The following ORMDL2 variants were observed in gnomAD, a reference collection of about 807,000 sequenced individuals.
The protein encoded by ORMDL2 is ORMDL sphingolipid biosynthesis regulator 2.
Under a neutral mutation model 13.5 loss-of-function variants are expected in ORMDL2, and 11 were observed. The ratio of observed to expected loss-of-function variants is 0.82; its 90% CI spans 0.51 to 1.35. The LOEUF (loss-of-function observed/expected upper bound fraction) is 1.35, where lower values mean the gene tolerates loss of function less well. ORMDL2 is among the 40% of genes most tolerant of loss of function. The pLI, the probability that ORMDL2 is intolerant of heterozygous loss-of-function variation, is 0.00. For synonymous variants in ORMDL2, 73 were observed against 76.5 expected, an observed-to-expected ratio of 0.95 and a Z score of 0.24; for missense variants, 160 against 191.1, an observed-to-expected ratio of 0.84 and a Z score of 0.96.
intron 1 of ORMDL2, 118 bp downstream of exon 1, chr12:55,818,230 AC>A: frequency 3.8e-6 from 1 of 260,632 alleles, no homozygotes; most frequent in African/African-American, 2.6e-5. Flanking sequence ...CCCTGAAAAA[AC>A]CGATGAACAT....
chr12:55,819,814 T>C (rs772274016), intron 3 of ORMDL2, among the ~76,000 whole-genome samples: 3 of 152,128 alleles, frequency 2.0e-5, no homozygotes, highest in African/African-American at 4.8e-5. Flanking sequence ...TCAAAAACAC[T>C]GTAGGGAGTG....
intron 3 of ORMDL2, 42 bp downstream of exon 3, chr12:55,819,535 GC>G: frequency 6.3e-7 from 1 of 1,583,348 alleles, no homozygotes; most frequent in East Asian, 2.2e-5. Context: ...GTTAGAAAGA[GC>G]TCCAAGAGCC....
rs14299 is a variant in ORMDL2, at chr12:55,820,665, T to G, written c.*270T>G. On this transcript the variant is annotated 3_prime_UTR_variant, in exon 4 of 4. Coordinates refer to ENST00000243045, the MANE Select transcript of ORMDL2 (RefSeq NM_014182.5). ...ATAGCAGGAAGCCATTTGGGCAGCT[T>G]CTTTGGTGATTACATCTTTCCATAT... is the stretch of plus-strand genomic sequence containing the variant. 4.4e-6 allele frequency: 2 copies of G among 456,314 alleles called. No individual in the cohort carries two copies. The highest frequency in any genetic ancestry group is 3.4e-5 in the Admixed American group (1 of 29,044). The allele number at this position is 456,314 out of a possible 1,614,324, so 28.3% of individuals were successfully genotyped here. A position where few individuals can be genotyped will look rare whatever the true frequency, so the allele number is the denominator to read the frequency against.
intron 3 of ORMDL2, 123 bp from the exon 4 acceptor site, chr12:55,820,137 C>T (rs1880626861): frequency 2.3e-6 from 2 of 870,532 alleles, no homozygotes; most frequent in Non-Finnish European, 1.8e-6. Flanking sequence ...CTGCACGTAT[C>T]ACACTTATGA....
In ORMDL2 at chr12:55,819,508, G is replaced by T; in HGVS notation, c.326+15G>T. On this transcript the variant is annotated intron_variant, in intron 3 of 3. Transcript: ENST00000243045. ...CCTATTGTGCTGTGAGTCTATGGGG[G>T]AAATGAGATATGCTGGGTTAGAAAG... 1 of 1,611,380 alleles carries T rather than the reference G, an allele frequency of 6.2e-7. No homozygotes were observed. Among genetic ancestry groups the T allele is most frequent in the Non-Finnish European group, 8.5e-7 (1 of 1,178,498 alleles).
Position 55,818,460 on chromosome 12 carries a change from G to A in ORMDL2, c.-2+348G>A, listed in dbSNP as rs1311695306. ...CCCTTCCTAACCCAGTCCAGAAGCCGTGGGCAAGTTGTTGTCGTGCCCCAC... is the reference window on the plus strand; with the variant it reads ...CCCTTCCTAACCCAGTCCAGAAGCCATGGGCAAGTTGTTGTCGTGCCCCAC... On this transcript the variant is annotated intron_variant, in intron 1 of 3. Coordinates refer to ENST00000243045, the MANE Select transcript of ORMDL2 (RefSeq NM_014182.5). 3 of 202,322 alleles carry A rather than the reference G, an allele frequency of 1.5e-5. 1 individual carries two copies. The East Asian group carries it at 4.4e-4, about 30-fold the overall frequency. The allele number at this position is 202,322 out of a possible 1,614,324, so 12.5% of individuals were successfully genotyped here. A position where few individuals can be genotyped will look rare whatever the true frequency, so the allele number is the denominator to read the frequency against.
At chr12:55,820,181 G>A in intron 3 of ORMDL2, 79 bp from the exon 4 acceptor site, 2 of 1,356,154 alleles carry the variant, frequency 1.5e-6, no homozygotes, top group Admixed American at 1.9e-5. Flanking sequence ...GAAACATGGT[G>A]AGAACTGTCT....
rs76149424 is a variant in ORMDL2 at position 55,820,256 on chromosome 12, C to T, written c.327-4C>T. ...TCACTCACCCTATTTTTTTCTCTCC[C>T]CAGCTATCTCCTGGCCAGCTTCTAT... On this transcript the variant is annotated splice_region_variant and splice_polypyrimidine_tract_variant and intron_variant, in intron 3 of 3. Transcript: ENST00000243045. 3.7e-6 allele frequency: 6 copies of T among 1,605,414 alleles called. No homozygotes were observed. Among genetic ancestry groups the T allele is most frequent in the African/African-American group, 2.7e-5 (2 of 74,546 alleles).
intron 3 of ORMDL2, among the ~76,000 whole-genome samples, chr12:55,819,893 CAATT>C (rs1880620657): frequency 2.0e-5 from 3 of 152,336 alleles, no homozygotes; most frequent in South Asian, 2.1e-4. Context: ...ATGTCATTAA[CAATT>C]AACAGATACT....
Position 55,819,326 on chromosome 12 carries a change from C to A in ORMDL2, c.175-16C>A. ...CTACTTTCTGCCCCTCACACTGCCA[C>A]CTTCCCTGTTCCCAGGCTACGTATG... On this transcript the variant is annotated splice_polypyrimidine_tract_variant and intron_variant, in intron 2 of 3. Coordinates refer to ENST00000243045, the MANE Select transcript of ORMDL2 (RefSeq NM_014182.5). 6.2e-7 allele frequency: 1 copy of A among 1,609,566 alleles called. No individual in the cohort carries two copies. Among genetic ancestry groups the A allele is most frequent in the Non-Finnish European group, 8.5e-7 (1 of 1,176,530 alleles).
At position 55,820,745 on chromosome 12, in the gene ORMDL2, A is replaced by G. The variant is rs971380032; in HGVS notation, c.*350A>G. The stretch of plus-strand genomic sequence containing the variant: ...TTTGCTGTGTATTTTTCTTACAATA[A>G]TTTTTTTCAGCTATAGCTGCAGTTT... On this transcript the variant is annotated 3_prime_UTR_variant, in exon 4 of 4. Coordinates refer to ENST00000243045, the MANE Select transcript of ORMDL2 (RefSeq NM_014182.5). The G allele has an allele frequency of 2.9e-5, 7 of 243,754 alleles. No homozygotes were observed. Among genetic ancestry groups the G allele is most frequent in the Non-Finnish European group, 5.8e-5 (7 of 121,422 alleles). The allele number at this position is 243,754 out of a possible 1,614,324, so 15.1% of individuals were successfully genotyped here.
rs760509619 is a variant in ORMDL2 at position 55,819,395 on chromosome 12, C to G, written c.228C>G (p.Asp76Glu). Residue 76 changes from aspartate to glutamate, a missense_variant, in exon 3 of 4, where the codon GAC (aspartate) becomes GAG (glutamate). Physicochemically the swap from Asp to Glu is conservative, Grantham distance 45 (BLOSUM62 2). Coordinates refer to ENST00000243045, the MANE Select transcript of ORMDL2 (RefSeq NM_014182.5). Reference sequence around the variant, plus strand: ...AAGGGACACCCTTTGAGACTCCTGACCAAGGAAAGGCTCGGCTACTGACAC... The same window carrying G: ...AAGGGACACCCTTTGAGACTCCTGAGCAAGGAAAGGCTCGGCTACTGACAC... Reference protein sequence around the residue: ...TVKGTPFETPDQGKARLLTHW... With the variant: ...TVKGTPFETPEQGKARLLTHW... The G allele has an allele frequency of 1.2e-6, 2 of 1,614,086 alleles. No individual in the cohort carries two copies. The highest frequency in any genetic ancestry group is 1.7e-6 in the Non-Finnish European group (2 of 1,179,988).
In ORMDL2 at chr12:55,818,081, G is replaced by T. The variant is rs1189134592; in HGVS notation, c.-33G>T. The T allele has an allele frequency of 7.8e-6, 4 of 513,264 alleles. No individual in the cohort carries two copies. Among genetic ancestry groups the T allele is most frequent in the African/African-American group, 1.9e-5 (1 of 52,338 alleles). 31.8% of individuals were successfully genotyped at this position (513,264 alleles called of 1,614,324 possible). On this transcript the variant is annotated 5_prime_UTR_variant, in exon 1 of 4. Coordinates refer to ENST00000243045, the MANE Select transcript of ORMDL2 (RefSeq NM_014182.5). Reference sequence around the variant, plus strand: ...CTTCAGGTGTGGTAGCCGGCGCCGCGCCCATAGCCGGACGGGGATCTGAGC... The same window carrying T: ...CTTCAGGTGTGGTAGCCGGCGCCGCTCCCATAGCCGGACGGGGATCTGAGC...
In ORMDL2 at chr12:55,819,159, G is replaced by A. The variant is rs771270248; in HGVS notation, c.160G>A (p.Val54Ile). Reference sequence around the variant, plus strand: ...TCCTGTTGTCTGGACCCTGACCAACGTCATCCATAACCTGGTGAGCACTAA... The same window carrying A: ...TCCTGTTGTCTGGACCCTGACCAACATCATCCATAACCTGGTGAGCACTAA... Reference protein sequence around the residue: ...SIPVVWTLTNVIHNLATYVFL... With the variant: ...SIPVVWTLTNIIHNLATYVFL... The change falls in exon 2 of 4, where the codon GTC becomes ATC. Residue 54 changes from valine to isoleucine, a missense_variant. Transcript: ENST00000243045. 30 of 1,613,876 alleles carry A rather than the reference G, an allele frequency of 1.9e-5. No individual in the cohort carries two copies. Among genetic ancestry groups the A allele is most frequent in the Admixed American group, 3.3e-5 (2 of 60,000 alleles).
chr12:55,820,296 T>G lies in ORMDL2; in HGVS notation c.363T>G (p.Ala121=), dbSNP rs145457304. The G allele has an allele frequency of 6.2e-6, 10 of 1,614,006 alleles. No individual in the cohort carries two copies. The highest frequency in any genetic ancestry group is 8.5e-6 in the Non-Finnish European group (10 of 1,179,966). ...CCAGCTTCTATACCAAGTATGATGCTGCGCACTTCCTCATCAACACAGCCT... is the reference window on the plus strand; with the variant it reads ...CCAGCTTCTATACCAAGTATGATGCGGCGCACTTCCTCATCAACACAGCCT... ...LLASFYTKYD[A]AHFLINTASL... is the part of the protein sequence containing the mutation. The change falls in exon 4 of 4, where the codon GCT becomes GCG. Residue 121 remains alanine (A), a synonymous_variant. Coordinates refer to ENST00000243045, the MANE Select transcript of ORMDL2 (RefSeq NM_014182.5).
Position 55,820,423 on chromosome 12 carries a change from G to A in ORMDL2, c.*28G>A. 1 of 1,612,916 alleles carries A rather than the reference G, an allele frequency of 6.2e-7. No homozygotes were observed. The highest frequency in any genetic ancestry group is 8.5e-7 in the Non-Finnish European group (1 of 1,178,916). On this transcript the variant is annotated 3_prime_UTR_variant, in exon 4 of 4. Coordinates refer to ENST00000243045, the MANE Select transcript of ORMDL2 (RefSeq NM_014182.5). ...GATGGGTTTTGGGACAGCTCCATGG[G>A]CATGGGGAAGGCACTGAAACAGAGG... is the stretch of plus-strand genomic sequence containing the variant.
At position 55,821,868 on chromosome 12, in the gene ORMDL2, G is replaced by C; in HGVS notation, c.*1473G>C. The C allele has an allele frequency of 8.1e-7, 1 of 1,240,968 alleles. No homozygotes were observed. 76.9% of individuals were successfully genotyped at this position (1,240,968 alleles called of 1,614,324 possible). On this transcript the variant is annotated 3_prime_UTR_variant, in exon 4 of 4. Transcript: ENST00000243045. ...AAGACTCCATCTCAAAAAATAAAAA[G>C]AAAAAGATTCAGTTCCTAGGTGTTG...
intron 2 of ORMDL2, 63 bp downstream of exon 2, chr12:55,819,236 T>C: frequency 6.3e-7 from 1 of 1,590,602 alleles, no homozygotes; most frequent in East Asian, 2.3e-5. Context: ...CAAAATAAAA[T>C]CACCAATTGT....
At chr12:55,819,609 A>G (rs1321126573) in intron 3 of ORMDL2, 116 bp downstream of exon 3, 1 of 846,750 alleles carries the variant, frequency 1.2e-6, no homozygotes, top group African/African-American at 1.7e-5. Flanking sequence ...CCCTTTGAAG[A>G]TATTATGGTA....
Sources: gnomAD v4.1 joint callset for allele counts (sites outside exome capture counted in the v4.1 genomes callset) on GRCh38, gnomAD v4.1.1 for gene constraint, MANE v1.5 for transcripts, NCBI Gene and HGNC (gene_info 2026-07-23, HGNC 2026-07-21) for gene names.